PRKG1: variants seen among roughly 807,000 people sequenced by gnomAD.
The protein encoded by PRKG1 is protein kinase cGMP-dependent 1.
Under a neutral mutation model 88.1 loss-of-function variants are expected in PRKG1, and 35 were observed. The ratio of observed to expected loss-of-function variants is 0.40; its 90% CI spans 0.30 to 0.53. The LOEUF is 0.53. PRKG1 is among the 20% of genes least tolerant of loss of function. The probability of loss-of-function intolerance (pLI) is 0.59; values close to 1 mark genes in which losing one functional copy is unlikely to be tolerated. For synonymous variants in PRKG1, 303 were observed against 292.5 expected (o/e 1.04, Z -0.37); for missense variants, 540 against 839.8 (o/e 0.64, Z 4.41).
At chr10:51,222,898 A>T (rs182641752) in intron 2 of PRKG1, among the ~76,000 whole-genome samples, 3 of 152,296 alleles carry the variant, frequency 2.0e-5, no homozygotes, top group African/African-American at 7.2e-5. Flanking sequence ...ATATGTATAC[A>T]TTCTACTTGT....
chr10:51,822,094 T>C (rs1002954829), intron 4 of PRKG1, among the ~76,000 whole-genome samples: 1 of 151,640 alleles, frequency 6.6e-6, no homozygotes, highest in Non-Finnish European at 1.5e-5. Context: ...TGTATATATA[T>C]ACACACATAT....
intron 3 of PRKG1, among the ~76,000 whole-genome samples, chr10:51,714,412 A>T (rs1841837889): frequency 6.6e-6 from 1 of 152,232 alleles, no homozygotes; most frequent in Admixed American, 6.5e-5. Flanking sequence ...GTCCTGCAGC[A>T]ACCTTCAATC....
At chr10:51,252,953 A>G (rs145467972) in intron 2 of PRKG1, among the ~76,000 whole-genome samples, 67 of 151,924 alleles carry the variant, frequency 4.4e-4, no homozygotes, top group African/African-American at 1.5e-3. Flanking sequence ...CTGGCAGGAG[A>G]TGAGCCATGT....
In PRKG1 at chr10:51,186,980, ATATG is replaced by A. The variant is rs1228231995; in HGVS notation, c.478+33654_478+33657del. ...TATATATATATATATATATATATATATATGTATATATATATTCTCTTTATTCCTT... is the reference window on the plus strand; with the variant it reads ...TATATATATATATATATATATATATATATATATATATTCTCTTTATTCCTT... On this transcript the variant is annotated intron_variant, in intron 2 of 17. Coordinates refer to ENST00000373980, the MANE Select transcript of PRKG1 (RefSeq NM_006258.4). Among the ~76,000 whole-genome samples, 21 of 143,722 alleles carry A rather than the reference ATATG, an allele frequency of 1.5e-4. No homozygotes were observed. The East Asian group carries it at 2.8e-3, about 19-fold the overall frequency. The allele number at this position is 143,722 out of a possible 152,430, so 94.3% of individuals were successfully genotyped here.
intron 5 of PRKG1, among the ~76,000 whole-genome samples, chr10:51,955,143 CTT>C (rs1267685060): frequency 5.9e-5 from 9 of 151,988 alleles, no homozygotes; most frequent in Non-Finnish European, 7.4e-5. Context: ...GTTGGGGAGT[CTT>C]TGAAAAGCAG....
chr10:52,293,455 T>G lies in PRKG1; in HGVS notation c.1963-347T>G, dbSNP rs577423697. On this transcript the variant is annotated intron_variant, in intron 17 of 17. Transcript: ENST00000373980. ...CCAAAAAAGAGCCTGCATCGCCAAG[T>G]CAATCCTGAGCCAAAGAACAAAGCT... Among the ~76,000 whole-genome samples, 19 of 152,268 alleles carry G rather than the reference T, an allele frequency of 1.2e-4. No individual in the cohort carries two copies. In the East Asian group the frequency reaches 3.5e-3, roughly 28 times the overall value.
chr10:51,995,552 TTG>T (rs150174634), intron 5 of PRKG1, among the ~76,000 whole-genome samples: 32 of 150,274 alleles, frequency 2.1e-4, no homozygotes, highest in South Asian at 1.1e-3. Context: ...TTATGTTAAA[TTG>T]TGTGTGTGTG....
At chr10:51,214,624 C>T (rs565121159) in intron 2 of PRKG1, among the ~76,000 whole-genome samples, 1 of 152,080 alleles carries the variant, frequency 6.6e-6, no homozygotes, top group South Asian at 2.1e-4. Flanking sequence ...GCCAGAGTCG[C>T]TTGCCACACC....
intron 3 of PRKG1, among the ~76,000 whole-genome samples, chr10:51,480,790 A>C (rs1433278639): frequency 2.6e-5 from 4 of 152,194 alleles, no homozygotes; most frequent in Non-Finnish European, 4.4e-5. Flanking sequence ...TTGGCCTTAA[A>C]ATTTTCTAAA....
chr10:51,571,066 C>T (rs10998234), intron 3 of PRKG1, among the ~76,000 whole-genome samples: 11,505 of 151,998 alleles, frequency 0.076, 1,442 homozygotes, highest in African/African-American at 0.26. Flanking sequence ...CACCACTTAT[C>T]AGCATGTACT....
intron 5 of PRKG1, among the ~76,000 whole-genome samples, chr10:51,985,046 A>G (rs1844117707): frequency 6.6e-6 from 1 of 152,206 alleles, no homozygotes; most frequent in African/African-American, 2.4e-5. Flanking sequence ...TTTTATAAAT[A>G]CCATAGGACA....
chr10:52,289,044 GT>G, intron 16 of PRKG1, 51 bp downstream of exon 16: 1 of 1,522,926 alleles, frequency 6.6e-7, no homozygotes. Context: ...TTTCCCCAGG[GT>G]GTTGCTTTTT....
intron 3 of PRKG1, among the ~76,000 whole-genome samples, chr10:51,784,677 A>G (rs1403536797): frequency 6.6e-6 from 1 of 152,114 alleles, no homozygotes; most frequent in African/African-American, 2.4e-5. Flanking sequence ...CCCTTAGTCT[A>G]CATGCTTTAT....
chr10:52,206,621 A>G (rs1194493), intron 9 of PRKG1, among the ~76,000 whole-genome samples: 151,682 of 152,292 alleles, frequency 1, 75,539 homozygotes, highest in Middle Eastern at 1. Context: ...AAACCCTGGC[A>G]TTTAATCGTG....
intron 2 of PRKG1, among the ~76,000 whole-genome samples, chr10:51,387,734 C>A (rs149968604): frequency 0.011 from 1,720 of 152,246 alleles, 15 homozygotes; most frequent in Non-Finnish European, 0.017. Context: ...GTTGTTATTT[C>A]TTTTAAACAT....
At chr10:51,725,053 A>G (rs991055667) in intron 3 of PRKG1, among the ~76,000 whole-genome samples, 5 of 151,934 alleles carry the variant, frequency 3.3e-5, no homozygotes, top group Non-Finnish European at 7.4e-5. Context: ...CACTTTATAA[A>G]CATTTATTTG....
Position 51,074,642 on chromosome 10 carries a change from C to T in PRKG1, c.52C>T (p.Leu18=), listed in dbSNP as rs1459600632. 1 of 1,614,098 alleles carries T rather than the reference C, an allele frequency of 6.2e-7. No individual in the cohort carries two copies. The change falls in exon 1 of 18, where the codon CTG becomes TTG. Residue 18 remains leucine (L), a synonymous_variant. Transcript: ENST00000373980. ...QYALQEKIEE[L]RQRDALIDEL... is the part of the protein sequence containing the mutation. ...CGCGCTCCAGGAGAAGATCGAGGAGCTGAGGCAGCGGGATGCTCTCATCGA... is the reference window on the plus strand; with the variant it reads ...CGCGCTCCAGGAGAAGATCGAGGAGTTGAGGCAGCGGGATGCTCTCATCGA...
chr10:51,402,856 G>C (rs1837789130), intron 2 of PRKG1, among the ~76,000 whole-genome samples: 1 of 152,174 alleles, frequency 6.6e-6, no homozygotes, highest in African/African-American at 2.4e-5. Context: ...GGAGTGCCTG[G>C]CTTACACCCA....
intron 2 of PRKG1, among the ~76,000 whole-genome samples, chr10:51,391,421 T>G (rs1285845818): frequency 2.6e-5 from 4 of 152,220 alleles, no homozygotes; most frequent in African/African-American, 9.6e-5. Flanking sequence ...TTTAGGTTTC[T>G]CTCTATGTTT....
Sources: allele counts gnomAD v4.1 joint callset (sites outside exome capture counted in the v4.1 genomes callset), GRCh38; gene constraint gnomAD v4.1.1; transcripts MANE v1.5; gene names NCBI Gene and HGNC (gene_info 2026-07-23, HGNC 2026-07-21).